The following ZNF236 variants were observed in gnomAD, a reference collection of about 807,000 sequenced individuals.
The protein encoded by ZNF236 is regulated by glucose.
ZNF236 carries 50 observed loss-of-function variants against 191.2 expected under a neutral mutation model. The ratio of observed to expected loss-of-function variants is 0.26; its 90% CI spans 0.21 to 0.33. The LOEUF (loss-of-function observed/expected upper bound fraction) is 0.33. Ranked by LOEUF, ZNF236 falls within the 10% of genes least tolerant of loss-of-function variation. The pLI, the probability that ZNF236 is intolerant of heterozygous loss-of-function variation, is 1.00. For synonymous variants in ZNF236, 907 were observed against 928.8 expected (o/e 0.98, Z 0.43); for missense variants, 1,754 against 2,374.5 (o/e 0.74, Z 5.43).
chr18:76,915,621 C>CA (rs1967336196), intron 18 of ZNF236, 26 bp from the exon 19 acceptor site: 1 of 1,609,214 alleles, frequency 6.2e-7, no homozygotes, highest in African/African-American at 1.3e-5. Context: ...TGGTTCCAGC[C>CA]GTTTTTTCTG....
intron 22 of ZNF236, among the ~76,000 whole-genome samples, chr18:76,926,402 G>T: frequency 6.6e-6 from 1 of 152,178 alleles, no homozygotes; most frequent in Middle Eastern, 3.4e-3. Context: ...GTTGTTCTGG[G>T]GTGATTAGAC....
In ZNF236 at chr18:76,925,416, C is replaced by A. The variant is rs373916676; in HGVS notation, c.3889C>A (p.Pro1297Thr). The part of the protein sequence containing the change: ...MTRSSSEGLQ[P>T]VNLLNSSSTD... ...TCGAAGCTCATCGGAAGGACTGCAG[C>A]CTGTAAACCTCCTCAACTCCTCCTC... Residue 1297 changes from proline (P) to threonine (T), a missense_variant, in exon 22 of 31, where the codon CCT becomes ACT. This residue lies in a region of ZNF236 where 606 missense variants were observed against 761.5 expected (regional missense o/e 0.80). Coordinates refer to ENST00000320610, the MANE Select transcript of ZNF236 (RefSeq NM_001306089.2). This position sits in a 1 kb window ranked among gnomAD's most constrained non-coding sequence, Gnocchi z 5.7. 5.0e-6 allele frequency: 8 copies of A among 1,614,062 alleles called. No individual in the cohort carries two copies. Among genetic ancestry groups the A allele is most frequent in the Non-Finnish European group, 6.8e-6 (8 of 1,180,042 alleles).
intron 21 of ZNF236, among the ~76,000 whole-genome samples, chr18:76,924,899 T>C (rs924903589): frequency 1.3e-5 from 2 of 152,116 alleles, no homozygotes; most frequent in African/African-American, 4.8e-5. Flanking sequence ...TAAATATAAA[T>C]CAACTACTCC....
intron 1 of ZNF236, among the ~76,000 whole-genome samples, chr18:76,837,127 T>TCCCCCCCCCCCCCCCCCCCCCC (rs57114708): frequency 5.4e-5 from 2 of 37,066 alleles, no homozygotes; most frequent in African/African-American, 1.1e-4. Flanking sequence ...CCGCACCCCC[T>TCCCCCCCCCCCCCCCCCCCCCC]CCCCCCCCCC....
rs761452636 is a variant in ZNF236 at position 76,904,527 on chromosome 18, G to T, written c.2036+6G>T. 34 of 1,570,000 alleles carry T rather than the reference G, an allele frequency of 2.2e-5. No individual in the cohort carries two copies. Among genetic ancestry groups the T allele is most frequent in the Middle Eastern group, 1.7e-4 (1 of 5,950 alleles). On this transcript the variant is annotated splice_donor_region_variant and intron_variant, in intron 12 of 30. Transcript: ENST00000320610. ...CACCTTAAACAACACATCAGGTAAGGTAACGGATTCACAGATGGAAATTTA... is the reference window on the plus strand; with the variant it reads ...CACCTTAAACAACACATCAGGTAAGTTAACGGATTCACAGATGGAAATTTA...
At chr18:76,855,359 G>A (rs1976012553) in intron 3 of ZNF236, among the ~76,000 whole-genome samples, 2 of 152,168 alleles carry the variant, frequency 1.3e-5, no homozygotes, top group Admixed American at 6.5e-5. Context: ...GTCTCCTTTG[G>A]GTTCCTAAGT....
In ZNF236 at chr18:76,922,223, G is replaced by A. The variant is rs550304002; in HGVS notation, c.3558-848G>A. Reference sequence around the variant, plus strand: ...TTCCACGCTTGGTGACTGGCAGGGCGCTGTGGTGACTCTTCCGTGAGCCTG... The same window carrying A: ...TTCCACGCTTGGTGACTGGCAGGGCACTGTGGTGACTCTTCCGTGAGCCTG... On this transcript the variant is annotated intron_variant, in intron 20 of 30. Transcript: ENST00000320610. Among the ~76,000 whole-genome samples the A allele has an allele frequency of 6.6e-5, 10 of 152,260 alleles. 1 individual carries two copies. In the South Asian group the frequency reaches 1.9e-3, roughly 28 times the overall value.
Position 76,915,789 on chromosome 18 carries a change from T to G in ZNF236, c.3204T>G (p.Cys1068Trp). ...AGGGTTTCCGAACTACAGTGCATTG[T>G]AAAAAGCACATGAAGAGACACCAAA... ...CEEGFRTTVH[C>W]KKHMKRHQTV... Residue 1068 changes from cysteine to tryptophan, a missense_variant, in exon 19 of 31, where the codon TGT becomes TGG. Cys to Trp is a radical substitution (Grantham distance 215). Around this residue, in one of 5 missense-constraint regions of ZNF236, gnomAD observed 641 missense variants for 869.6 expected, o/e 0.74. Coordinates refer to ENST00000320610, the MANE Select transcript of ZNF236 (RefSeq NM_001306089.2). 1 of 1,614,224 alleles carries G rather than the reference T, an allele frequency of 6.2e-7. No individual in the cohort carries two copies. Among genetic ancestry groups the G allele is most frequent in the South Asian group, 1.1e-5 (1 of 91,090 alleles).
chr18:76,913,220 G>A (rs1038922724), intron 17 of ZNF236, among the ~76,000 whole-genome samples: 1 of 152,186 alleles, frequency 6.6e-6, no homozygotes, highest in African/African-American at 2.4e-5. Context: ...AGTCTATTCA[G>A]TAACAACTGA....
intron 30 of ZNF236, among the ~76,000 whole-genome samples, chr18:76,962,605 T>C (rs1396815525): frequency 1.3e-5 from 2 of 152,222 alleles, no homozygotes; most frequent in Non-Finnish European, 2.9e-5. Flanking sequence ...ATGATGTTGG[T>C]ATTTTGATGG....
chr18:76,932,738 C>T (rs7242292), intron 25 of ZNF236, among the ~76,000 whole-genome samples: 2,752 of 152,252 alleles, frequency 0.018, 71 homozygotes, highest in African/African-American at 0.063. Flanking sequence ...GATGGAGAGA[C>T]AAGTTGGGTT....
chr18:76,843,532 C>CAGGGAAGAAGGTAGAAGGGAGT (rs1555685711), intron 1 of ZNF236, among the ~76,000 whole-genome samples: 2 of 150,648 alleles, frequency 1.3e-5, no homozygotes, highest in African/African-American at 4.9e-5. Flanking sequence ...AATCCCAGCA[C>CAGGGAAGAAGGTAGAAGGGAGT]TTTGGGAGGC....
At position 76,884,133 on chromosome 18, in the gene ZNF236, G is replaced by A. The variant is rs577367755; in HGVS notation, c.1417+2621G>A. 2.8e-4 allele frequency among the ~76,000 whole-genome samples: 42 copies of A among 152,290 alleles called. 1 individual carries two copies. The East Asian group carries it at 7.7e-3, about 28-fold the overall frequency. On this transcript the variant is annotated intron_variant, in intron 9 of 30. Coordinates refer to ENST00000320610, the MANE Select transcript of ZNF236 (RefSeq NM_001306089.2). ...TTTGAAATTTATGACCAGGTGCAGTGGCTCGTGCCTGTAATCCCAGCACTT... is the reference window on the plus strand; with the variant it reads ...TTTGAAATTTATGACCAGGTGCAGTAGCTCGTGCCTGTAATCCCAGCACTT...
At chr18:76,951,437 G>A (rs1242653677) in intron 27 of ZNF236, among the ~76,000 whole-genome samples, 1 of 152,192 alleles carries the variant, frequency 6.6e-6, no homozygotes, top group Non-Finnish European at 1.5e-5. Context: ...GTTATGGAGG[G>A]TGGCTTCTTT....
intron 1 of ZNF236, among the ~76,000 whole-genome samples, chr18:76,838,628 G>T (rs1246816876): frequency 1.3e-5 from 2 of 152,158 alleles, no homozygotes; most frequent in African/African-American, 4.8e-5. Context: ...GCAAACCTTT[G>T]TGTACCAAAA....
chr18:76,933,187 G>A (rs965322305), intron 25 of ZNF236, among the ~76,000 whole-genome samples: 1 of 152,168 alleles, frequency 6.6e-6, no homozygotes, highest in Non-Finnish European at 1.5e-5. Flanking sequence ...AGCCAGCCGA[G>A]GCCGGGCATG....
intron 3 of ZNF236, among the ~76,000 whole-genome samples, chr18:76,855,076 A>G (rs952201163): frequency 6.6e-6 from 1 of 151,936 alleles, no homozygotes; most frequent in African/African-American, 2.4e-5. Context: ...CAGGCGCCCC[A>G]CCATATCCAG....
At chr18:76,832,847 G>C (rs1975213025) in intron 1 of ZNF236, among the ~76,000 whole-genome samples, 1 of 151,922 alleles carries the variant, frequency 6.6e-6, no homozygotes, top group Admixed American at 6.6e-5. Context: ...TTGAGTCTTT[G>C]AATCTAAACA....
chr18:76,865,548 G>A (rs566639160), intron 3 of ZNF236, among the ~76,000 whole-genome samples: 8 of 152,276 alleles, frequency 5.3e-5, no homozygotes, highest in Non-Finnish European at 8.8e-5. Context: ...ACTTCGTTTG[G>A]TAGAAAGTGC....
Sources: gnomAD v4.1 joint callset for allele counts (sites outside exome capture counted in the v4.1 genomes callset) on GRCh38, gnomAD v4.1.1 for gene constraint, gnomAD v4.1.1 regional missense constraint, Gnocchi (gnomAD v3.1) non-coding constraint, MANE v1.5 for transcripts, NCBI Gene and HGNC (gene_info 2026-07-23, HGNC 2026-07-21) for gene names.